NAV2: variants seen among roughly 807,000 people sequenced by gnomAD.
NAV2 encodes neuron navigator 2.
NAV2 carries 54 observed loss-of-function variants against 223.2 expected under a neutral mutation model. The observed-to-expected ratio is 0.24, with a 90% CI of 0.19 to 0.30. The LOEUF (loss-of-function observed/expected upper bound fraction) is 0.30, where lower values mean the gene tolerates loss of function less well. Among genes scored for constraint, NAV2 ranks in the 10% least tolerant of loss-of-function variants. NAV2 has a pLI of 1.00. For synonymous variants in NAV2, 1,279 were observed against 1,239.3 expected (o/e 1.03, Z -0.67); for missense variants, 2,806 against 3,147.5 (o/e 0.89, Z 2.60).
intron 12 of NAV2, among the ~76,000 whole-genome samples, chr11:20,038,739 G>C (rs1281563095): frequency 1.3e-5 from 2 of 152,198 alleles, no homozygotes; most frequent in Non-Finnish European, 1.5e-5. Flanking sequence ...GGCAAGGCGT[G>C]GGGAGGCAGG....
chr11:20,060,387 A>G (rs770787076), intron 19 of NAV2, among the ~76,000 whole-genome samples: 3 of 152,258 alleles, frequency 2.0e-5, no homozygotes, highest in Admixed American at 6.5e-5. Flanking sequence ...AAGTTGGGAC[A>G]TTAAAGGCCT....
At chr11:19,700,332 C>T (rs1203313059) in intron 1 of NAV2, among the ~76,000 whole-genome samples, 1 of 152,222 alleles carries the variant, frequency 6.6e-6, no homozygotes, top group Non-Finnish European at 1.5e-5. Context: ...CGGACCCATG[C>T]AGTCACACGT....
At chr11:20,043,866 G>A in intron 12 of NAV2, 115 bp from the exon 13 acceptor site, 1 of 898,210 alleles carries the variant, frequency 1.1e-6, no homozygotes, top group South Asian at 1.7e-5. Context: ...CATCTTTAAA[G>A]TAATGCTTAT....
At chr11:19,536,529 C>T (rs906490800) in intron 1 of NAV2, among the ~76,000 whole-genome samples, 2 of 152,142 alleles carry the variant, frequency 1.3e-5, no homozygotes, top group Admixed American at 6.5e-5. Flanking sequence ...GACAAGACTC[C>T]CCACCATGTG....
intron 1 of NAV2, among the ~76,000 whole-genome samples, chr11:19,799,889 C>A (rs2058136030): frequency 6.6e-6 from 1 of 152,114 alleles, no homozygotes; most frequent in Admixed American, 6.5e-5. Context: ...TTTATATGGA[C>A]TTAAGTGACT....
At chr11:19,608,488 G>T (rs1565096304) in intron 1 of NAV2, among the ~76,000 whole-genome samples, 1 of 152,284 alleles carries the variant, frequency 6.6e-6, no homozygotes, top group Non-Finnish European at 1.5e-5. Flanking sequence ...ACTTCGGGAT[G>T]TGAACTTATC....
At chr11:19,393,895 G>GTTTTTTTTTTTTT (rs5790072) in intron 1 of NAV2, among the ~76,000 whole-genome samples, 1 of 136,234 alleles carries the variant, frequency 7.3e-6, no homozygotes. Context: ...TAACTTAAGG[G>GTTTTTTTTTTTTT]TTTTTTTTTT....
intron 1 of NAV2, among the ~76,000 whole-genome samples, chr11:19,450,886 G>A (rs1204764297): frequency 6.6e-6 from 1 of 152,128 alleles, no homozygotes; most frequent in Non-Finnish European, 1.5e-5. Flanking sequence ...AGCCACCTGT[G>A]CATTATGGTG....
intron 7 of NAV2, among the ~76,000 whole-genome samples, chr11:19,935,320 T>C (rs1462535868): frequency 6.6e-6 from 1 of 152,226 alleles, no homozygotes; most frequent in Non-Finnish European, 1.5e-5. Flanking sequence ...CTCAAGTGCA[T>C]ACAGATGCAC....
At chr11:19,959,877 C>T (rs145453419) in intron 10 of NAV2, among the ~76,000 whole-genome samples, 2 of 152,276 alleles carry the variant, frequency 1.3e-5, no homozygotes, top group East Asian at 1.9e-4. Flanking sequence ...TCCCCCCCCA[C>T]CATCTGGACT....
intron 30 of NAV2, among the ~76,000 whole-genome samples, 186 bp downstream of exon 30, chr11:20,095,953 A>G (rs1293240803): frequency 1.3e-5 from 2 of 152,174 alleles, no homozygotes; most frequent in Admixed American, 1.3e-4. Context: ...GTAAGTACAG[A>G]CTGGTCATCG....
intron 1 of NAV2, among the ~76,000 whole-genome samples, chr11:19,436,913 G>A (rs925680041): frequency 1.3e-5 from 2 of 151,986 alleles, no homozygotes; most frequent in African/African-American, 4.8e-5. Flanking sequence ...TGCTACTGGT[G>A]TCTGTATATT....
intron 37 of NAV2, among the ~76,000 whole-genome samples, chr11:20,116,276 T>C (rs756891629): frequency 2.0e-5 from 3 of 152,206 alleles, no homozygotes; most frequent in Non-Finnish European, 4.4e-5. Context: ...AAAATAATAA[T>C]AATATTAATA....
chr11:19,734,272 G>T (rs917987964), intron 1 of NAV2, among the ~76,000 whole-genome samples: 2 of 152,166 alleles, frequency 1.3e-5, no homozygotes, highest in African/African-American at 4.8e-5. Flanking sequence ...TTTACTAAAT[G>T]CCTTTATTAA....
At position 19,811,429 on chromosome 11, in the gene NAV2, A is replaced by G. The variant is rs574218882; in HGVS notation, c.268-21055A>G. Among the ~76,000 whole-genome samples the G allele has an allele frequency of 5.9e-5, 9 of 152,298 alleles. No homozygotes were observed. The East Asian group carries it at 1.7e-3, about 29-fold the overall frequency. ...TCCTGCCTTTTCATGCTCACAATGA[A>G]GGTGACATTGATTTACAAGTCAGTG... On this transcript the variant is annotated intron_variant, in intron 1 of 37. Transcript: ENST00000349880.
chr11:19,484,720 A>T (rs1451179559), intron 1 of NAV2, among the ~76,000 whole-genome samples: 3 of 152,120 alleles, frequency 2.0e-5, no homozygotes, highest in Non-Finnish European at 4.4e-5. Flanking sequence ...TCCACCCGAC[A>T]TCCTCTCCAG....
chr11:19,741,248 T>C (rs149022304), intron 1 of NAV2, among the ~76,000 whole-genome samples: 1 of 152,344 alleles, frequency 6.6e-6, no homozygotes, highest in Non-Finnish European at 1.5e-5. Context: ...TCATCTCATA[T>C]AAGTATCTTT....
At chr11:19,496,979 G>A (rs186690360) in intron 1 of NAV2, among the ~76,000 whole-genome samples, 23 of 152,240 alleles carry the variant, frequency 1.5e-4, no homozygotes, top group Non-Finnish European at 2.8e-4. Flanking sequence ...GTGTGGATAC[G>A]TTACCTAATC....
At chr11:19,546,783 T>A (rs919630971) in intron 1 of NAV2, among the ~76,000 whole-genome samples, 1 of 152,204 alleles carries the variant, frequency 6.6e-6, no homozygotes, top group African/African-American at 2.4e-5. Flanking sequence ...TTTCTCCATC[T>A]CTCTCCTCTT....
Sources: gnomAD v4.1 joint callset for allele counts (sites outside exome capture counted in the v4.1 genomes callset) on GRCh38, gnomAD v4.1.1 for gene constraint, MANE v1.5 for transcripts, NCBI Gene and HGNC (gene_info 2026-07-23, HGNC 2026-07-21) for gene names.